The following CIC variants were observed in gnomAD, a reference collection of about 807,000 sequenced individuals.
CIC encodes the protein capicua transcriptional repressor, also known as protein capicua homolog.
In CIC, 18 loss-of-function variants were observed where a neutral mutation model predicts 115.7. The observed-to-expected ratio is 0.16, with a 90% CI of 0.11 to 0.23. The LOEUF (loss-of-function observed/expected upper bound fraction) is 0.23. Among genes scored for constraint, CIC ranks in the 10% least tolerant of loss-of-function variants. The pLI is 1.00. For synonymous variants in CIC, 1,076 were observed against 923.0 expected, an observed-to-expected ratio of 1.17 and a Z score of -3.01; for missense variants, 2,000 against 2,159.3, an observed-to-expected ratio of 0.93 and a Z score of 1.46.
Position 42,291,255 on chromosome 19 carries a change from G to A in CIC, c.5214G>A (p.Leu1738=), listed in dbSNP as rs1241005514. The A allele has an allele frequency of 6.2e-7, 1 of 1,612,342 alleles. No individual in the cohort carries two copies. The highest frequency in any genetic ancestry group is 1.1e-5 in the South Asian group (1 of 91,004). The change falls in exon 11 of 21, where the codon CTG becomes CTA. Residue 1738 remains leucine (L), a synonymous_variant. Transcript: ENST00000681038. ...GAATCACCCAGGTACAGTACATCCT[G>A]CCCACGCTGCCCCAGCAGCTTCAGG... ...AGGITQVQYI[L]PTLPQQLQVA...
intron 2 of CIC, among the ~76,000 whole-genome samples, chr19:42,285,188 G>A (rs2037544665): frequency 6.6e-6 from 1 of 152,134 alleles, no homozygotes; most frequent in Admixed American, 6.5e-5. Context: ...AGGCTGCAGT[G>A]TGTGGTGTAG....
In CIC at chr19:42,273,537, C is replaced by G. The variant is rs993847863; in HGVS notation, c.1754C>G (p.Ala585Gly). ...GGAGACTCACGGCCACGCCTGGTGG[C>G]CCCTGCTGACTTGTCACGCTTTGAG... The part of the protein sequence containing the change: ...ARGDSRPRLV[A>G]PADLSRFEFD... Residue 585 changes from alanine (A) to glycine (G), a missense_variant, in exon 2 of 21, where the codon GCC becomes GGC. Around this residue, in one of 8 missense-constraint regions of CIC, gnomAD observed 222 missense variants for 247.7 expected, o/e 0.90. Coordinates refer to ENST00000681038, the MANE Select transcript of CIC (RefSeq NM_001386298.1). The G allele has an allele frequency of 2.5e-6, 1 of 398,408 alleles. No individual in the cohort carries two copies. The highest frequency in any genetic ancestry group is 4.4e-6 in the Non-Finnish European group (1 of 226,000). The allele number at this position is 398,408 out of a possible 1,614,324, so 24.7% of individuals were successfully genotyped here. A position where few individuals can be genotyped will look rare whatever the true frequency, so the allele number is the denominator to read the frequency against.
At chr19:42,284,755 T>G (rs2147139696) in intron 2 of CIC, 1 of 1,557,062 alleles carries the variant, frequency 6.4e-7, no homozygotes. Flanking sequence ...CGGCCTCCCG[T>G]GGCCTCGGCA....
intron 16 of CIC, 93 bp downstream of exon 16, chr19:42,293,374 C>A: frequency 1.4e-6 from 2 of 1,401,402 alleles, no homozygotes; most frequent in South Asian, 1.2e-5. Flanking sequence ...TCTTTCCATG[C>A]CTGTGTGTCT....
intron 19 of CIC, 41 bp downstream of exon 19, chr19:42,294,345 A>G: frequency 3.7e-6 from 6 of 1,609,328 alleles, no homozygotes; most frequent in Non-Finnish European, 5.1e-6. Flanking sequence ...GGGGACCTGC[A>G]AGAGGAGTGG....
chr19:42,295,271 T>G lies in CIC; in HGVS notation c.*80T>G. 76 of 1,285,416 alleles carry G rather than the reference T, an allele frequency of 5.9e-5. No individual in the cohort carries two copies. The highest frequency in any genetic ancestry group is 1.9e-4 in the Middle Eastern group (1 of 5,218). The allele number at this position is 1,285,416 out of a possible 1,614,324, so 79.6% of individuals were successfully genotyped here. A position where few individuals can be genotyped will look rare whatever the true frequency, so the allele number is the denominator to read the frequency against. ...ATGTGGGGGCAGGAAGGTTATCTCC[T>G]CCCGGGTAAAGCCATTTCGTCCTCT... On this transcript the variant is annotated 3_prime_UTR_variant, in exon 21 of 21. Coordinates refer to ENST00000681038, the MANE Select transcript of CIC (RefSeq NM_001386298.1).
At chr19:42,277,478 C>T (rs1201094235) in intron 2 of CIC, among the ~76,000 whole-genome samples, 1 of 152,184 alleles carries the variant, frequency 6.6e-6, no homozygotes, top group African/African-American at 2.4e-5. Flanking sequence ...GGTCCTCCTA[C>T]CTTGGCCTCC....
Position 42,290,544 on chromosome 19 carries a change from A to C in CIC, c.4503A>C (p.Pro1501=). ...ATPSKATRFL[P]MDPATFRRKR... Reference sequence around the variant, plus strand: ...CTTCCAAGGCAACCCGGTTCCTCCCAATGGATCCTGCCACCTTCCGGCGCA... The same window carrying C: ...CTTCCAAGGCAACCCGGTTCCTCCCCATGGATCCTGCCACCTTCCGGCGCA... The change falls in exon 11 of 21, where the codon CCA becomes CCC. Residue 1501 remains proline (P), a synonymous_variant. Coordinates refer to ENST00000681038, the MANE Select transcript of CIC (RefSeq NM_001386298.1). 6.2e-7 allele frequency: 1 copy of C among 1,613,470 alleles called. No homozygotes were observed. Among genetic ancestry groups the C allele is most frequent in the African/African-American group, 1.3e-5 (1 of 74,990 alleles).
chr19:42,289,483 A>C, intron 9 of CIC, 77 bp downstream of exon 9: 1 of 1,411,464 alleles, frequency 7.1e-7, no homozygotes, highest in Non-Finnish European at 9.8e-7. Flanking sequence ...ACTTGGATCC[A>C]GGCCCCTAGG....
In CIC at chr19:42,270,586, G is replaced by C. The variant is rs1375625685; in HGVS notation, c.-10-1188G>C. On this transcript the variant is annotated intron_variant, in intron 1 of 20. Transcript: ENST00000681038. The surrounding 1 kb of genome is among the most constrained non-coding windows in gnomAD (Gnocchi z 4.1). ...CTGTTGGGCTTGTCCTGCTTTCTTT[G>C]ACCTTATCCCACCTATCCCCACTTG... Among the ~76,000 whole-genome samples, 1 of 152,162 alleles carries C rather than the reference G, an allele frequency of 6.6e-6. No homozygotes were observed. Among genetic ancestry groups the C allele is most frequent in the Non-Finnish European group, 1.5e-5 (1 of 68,022 alleles).
chr19:42,292,472 G>A lies in CIC; in HGVS notation c.5902+6G>A. 2 of 1,611,168 alleles carry A rather than the reference G, an allele frequency of 1.2e-6. No homozygotes were observed. Among genetic ancestry groups the A allele is most frequent in the Non-Finnish European group, 1.7e-6 (2 of 1,178,986 alleles). ...CGTGCAGCCCCTGCTCTCAGGTGAG[G>A]GGCGGCCTGGCAGGCAGTGCTGGGG... On this transcript the variant is annotated splice_donor_region_variant and intron_variant, in intron 14 of 20. Coordinates refer to ENST00000681038, the MANE Select transcript of CIC (RefSeq NM_001386298.1).
At chr19:42,282,507 C>T (rs1307681234) in intron 2 of CIC, among the ~76,000 whole-genome samples, 1 of 152,240 alleles carries the variant, frequency 6.6e-6, no homozygotes, top group Non-Finnish European at 1.5e-5. Flanking sequence ...AGATGGGCTC[C>T]ACATCCTTGC....
In CIC at chr19:42,287,892, C is replaced by T; in HGVS notation, c.3575C>T (p.Pro1192Leu). Reference sequence around the variant, plus strand: ...AAGAAGTCCAGCTCAGAGGCCAAGCCCACGAGCCTGGGGCTGGCAGGAGGG... The same window carrying T: ...AAGAAGTCCAGCTCAGAGGCCAAGCTCACGAGCCTGGGGCTGGCAGGAGGG... ...DRKKSSSEAK[P>L]TSLGLAGGHK... Residue 1192 changes from proline to leucine, a missense_variant, in exon 7 of 21, where the codon CCC becomes CTC. This residue lies in a region of CIC where 38 missense variants were observed against 50.3 expected (regional missense o/e 0.76). Transcript: ENST00000681038. The surrounding 1 kb of genome is among the most constrained non-coding windows in gnomAD (Gnocchi z 8.7). 1 of 1,611,118 alleles carries T rather than the reference C, an allele frequency of 6.2e-7. No homozygotes were observed. The highest frequency in any genetic ancestry group is 8.5e-7 in the Non-Finnish European group (1 of 1,178,726).
In CIC at chr19:42,293,067, C is replaced by A. The variant is rs1034746793; in HGVS notation, c.6308C>A (p.Ala2103Glu). 1.2e-6 allele frequency: 2 copies of A among 1,612,048 alleles called. No homozygotes were observed. The highest frequency in any genetic ancestry group is 3.3e-5 in the Admixed American group (2 of 59,900). Residue 2103 changes from alanine (A) to glutamate (E), a missense_variant, in exon 16 of 21, where the codon GCA becomes GAA. Around this residue, in one of 8 missense-constraint regions of CIC, gnomAD observed 1,466 missense variants for 1,390.4 expected, o/e 1.05. Coordinates refer to ENST00000681038, the MANE Select transcript of CIC (RefSeq NM_001386298.1). ...IASIPVGSFE[A>E]GASGRPGPAP... is the part of the protein sequence containing the mutation. ...AGCATTCCCGTGGGGTCCTTTGAGGCAGGTGCCTCTGGGCGGCCTGGCCCT... is the reference window on the plus strand; with the variant it reads ...AGCATTCCCGTGGGGTCCTTTGAGGAAGGTGCCTCTGGGCGGCCTGGCCCT...
In CIC at chr19:42,284,798, G is replaced by A. The variant is rs1306815202; in HGVS notation, c.2795-1973G>A. On this transcript the variant is annotated intron_variant, in intron 2 of 20. Coordinates refer to ENST00000681038, the MANE Select transcript of CIC (RefSeq NM_001386298.1). ...TCAGTAGCGCCTGGGCCCTGGGACT[G>A]CAGGGGTCAAGGTGTCGGGGTGCTA... 2.6e-6 allele frequency: 4 copies of A among 1,538,252 alleles called. No individual in the cohort carries two copies. In the Admixed American group the frequency reaches 7.8e-5, roughly 30 times the overall value.
Position 42,273,208 on chromosome 19 carries a change from A to C in CIC, c.1425A>C (p.Thr475=), listed in dbSNP as rs2036851695. 5.0e-6 allele frequency: 2 copies of C among 398,624 alleles called. No individual in the cohort carries two copies. Among genetic ancestry groups the C allele is most frequent in the Non-Finnish European group, 4.4e-6 (1 of 226,058 alleles). The allele number at this position is 398,624 out of a possible 1,614,324, so 24.7% of individuals were successfully genotyped here. A position where few individuals can be genotyped will look rare whatever the true frequency, so the allele number is the denominator to read the frequency against. ...CAGCCCGGGCCCGCACGCCACTGAC[A>C]GCCGCCCAGCAGAAGTACAAGAAGG... ...APAARARTPL[T]AAQQKYKKGD... Residue 475 remains threonine, a synonymous_variant, in exon 2 of 21, where the codon ACA becomes ACC. Transcript: ENST00000681038.
At chr19:42,285,502 A>G (rs184531955) in intron 2 of CIC, among the ~76,000 whole-genome samples, 38 of 152,208 alleles carry the variant, frequency 2.5e-4, no homozygotes, top group Middle Eastern at 6.8e-3. Context: ...CCTGAGGTCT[A>G]CTTTTTCCTT....
intron 17 of CIC, 26 bp from the exon 18 acceptor site, chr19:42,293,909 G>A (rs745857238): frequency 8.1e-6 from 13 of 1,612,870 alleles, no homozygotes; most frequent in Non-Finnish European, 1.1e-5. Context: ...GCTGAGGCGG[G>A]GGAGGTGACC....
rs1361113896 is a variant in CIC, at chr19:42,284,854, AG to A, written c.2795-1913del. ...GGAGTAACGGTGGTGGGGGTATAGT[AG>A]GGGAGAGAACAGTAGAGGCAGAGTA... is the stretch of plus-strand genomic sequence containing the variant. On this transcript the variant is annotated intron_variant, in intron 2 of 20. Transcript: ENST00000681038. 2.5e-6 allele frequency: 3 copies of A among 1,208,792 alleles called. No individual in the cohort carries two copies. The Admixed American group carries it at 6.0e-5, about 24-fold the overall frequency. 74.9% of individuals were successfully genotyped at this position (1,208,792 alleles called of 1,614,324 possible). A position where few individuals can be genotyped will look rare whatever the true frequency, so the allele number is the denominator to read the frequency against.
Sources: allele counts gnomAD v4.1 joint callset (sites outside exome capture counted in the v4.1 genomes callset), GRCh38; gene constraint gnomAD v4.1.1; regional missense constraint gnomAD v4.1.1; non-coding constraint Gnocchi (gnomAD v3.1); transcripts MANE v1.5; gene names NCBI Gene and HGNC (gene_info 2026-07-23, HGNC 2026-07-21).